Variants in BANK1 observed in about 807,000 individuals in gnomAD.
The protein encoded by BANK1 is B cell scaffold protein with ankyrin repeats 1.
In BANK1, 95 loss-of-function variants were observed where a neutral mutation model predicts 94.5. That is an observed-to-expected ratio of 1.00 (90% CI 0.85 to 1.19). BANK1 has a LOEUF of 1.19. BANK1 is among the 50% of genes most tolerant of loss of function. BANK1 has a pLI of 0.00. For missense variants in BANK1, 987 were observed against 932.2 expected (o/e 1.06, Z -0.77); for synonymous variants, 334 against 308.4 (o/e 1.08, Z -0.87).
intron 1 of BANK1, among the ~76,000 whole-genome samples, chr4:101,808,652 TC>T (rs1466541675): frequency 6.8e-6 from 1 of 147,780 alleles, no homozygotes; most frequent in Non-Finnish European, 1.5e-5. Flanking sequence ...GGAACTCAAA[TC>T]AGCAAGAAAA....
Position 101,829,857 on chromosome 4 carries a change from G to T in BANK1, c.120G>T (p.Trp40Cys). 1 of 1,596,642 alleles carries T rather than the reference G, an allele frequency of 6.3e-7. No homozygotes were observed. The highest frequency in any genetic ancestry group is 8.5e-7 in the Non-Finnish European group (1 of 1,172,240). Residue 40 changes from tryptophan to cysteine, a missense_variant, in exon 2 of 17, where the codon TGG becomes TGT. Coordinates refer to ENST00000322953, the MANE Select transcript of BANK1 (RefSeq NM_017935.5). ...TATATGAAGAAGATGCTGAGGAATGGGCTCTGTACTTGACAGAAGTATTTT... is the reference window on the plus strand; with the variant it reads ...TATATGAAGAAGATGCTGAGGAATGTGCTCTGTACTTGACAGAAGTATTTT... ...IMIYEEDAEE[W>C]ALYLTEVFLH... is the part of the protein sequence containing the mutation.
chr4:101,845,447 G>C (rs566060310), intron 2 of BANK1, among the ~76,000 whole-genome samples: 92 of 152,152 alleles, frequency 6.0e-4, no homozygotes, highest in African/African-American at 2.0e-3. Flanking sequence ...CAAAATTCAA[G>C]TACTACCTCT....
chr4:102,068,108 G>C (rs372980972), intron 13 of BANK1, among the ~76,000 whole-genome samples: 8 of 152,112 alleles, frequency 5.3e-5, no homozygotes, highest in African/African-American at 1.9e-4. Context: ...GAAATCATAA[G>C]AAAGTATTTC....
chr4:101,901,149 C>A (rs1249920143), intron 6 of BANK1, among the ~76,000 whole-genome samples: 2 of 152,188 alleles, frequency 1.3e-5, no homozygotes, highest in African/African-American at 4.8e-5. Context: ...ACTCCCAATT[C>A]TTTGTGCCAT....
At chr4:101,882,185 C>T (rs1728702048) in intron 5 of BANK1, among the ~76,000 whole-genome samples, 1 of 151,870 alleles carries the variant, frequency 6.6e-6, no homozygotes, top group Non-Finnish European at 1.5e-5. Flanking sequence ...TCATGTCCCC[C>T]ATAAATATAT....
chr4:101,986,816 TA>T (rs1725498979), intron 7 of BANK1, among the ~76,000 whole-genome samples: 1 of 137,436 alleles, frequency 7.3e-6, no homozygotes. Flanking sequence ...TATATGTATA[TA>T]TATGTGTATA....
chr4:101,833,250 A>G (rs1225266616), intron 2 of BANK1, among the ~76,000 whole-genome samples: 1 of 152,174 alleles, frequency 6.6e-6, no homozygotes, highest in Non-Finnish European at 1.5e-5. Flanking sequence ...AAGTGCGGGG[A>G]CTACAGGCGT....
intron 7 of BANK1, among the ~76,000 whole-genome samples, chr4:101,924,246 G>C (rs1723086285): frequency 2.0e-5 from 3 of 151,756 alleles, no homozygotes. Flanking sequence ...CCCAGTGTGT[G>C]AGACTGCTTA....
chr4:102,007,067 TTTA>T (rs1560681854), intron 7 of BANK1, among the ~76,000 whole-genome samples: 103 of 97,218 alleles, frequency 1.1e-3, no homozygotes, highest in African/African-American at 4.0e-3. Context: ...AATATATAAT[TTTA>T]TATATATATA....
Position 102,043,856 on chromosome 4 carries a change from G to T in BANK1, c.1918G>T (p.Ala640Ser). Reference protein sequence around the residue: ...YIAQVFQQKTARRQSDDDKFC... With the variant: ...YIAQVFQQKTSRRQSDDDKFC... ...TTTTACAGTGTTTCAACAAAAGACA[G>T]CCAGAAGACAATCTGATGATGACAA... Residue 640 changes from alanine to serine, a missense_variant, in exon 11 of 17, where the codon GCC (alanine) becomes TCC (serine). Transcript: ENST00000322953. The T allele has an allele frequency of 6.2e-7, 1 of 1,602,712 alleles. No homozygotes were observed. The highest frequency in any genetic ancestry group is 8.5e-7 in the Non-Finnish European group (1 of 1,171,222).
chr4:101,850,668 G>A (rs1300121362), intron 2 of BANK1, among the ~76,000 whole-genome samples: 2 of 152,054 alleles, frequency 1.3e-5, no homozygotes, highest in Non-Finnish European at 2.9e-5. Context: ...CAAGTCTATT[G>A]GCACCATTCT....
chr4:101,878,835 A>G (rs142919750), intron 5 of BANK1, among the ~76,000 whole-genome samples: 1 of 152,264 alleles, frequency 6.6e-6, no homozygotes, highest in Non-Finnish European at 1.5e-5. Flanking sequence ...AAATTAAACA[A>G]TATGCTTTTG....
chr4:101,824,505 G>A (rs567993261), intron 1 of BANK1, among the ~76,000 whole-genome samples: 8 of 152,264 alleles, frequency 5.3e-5, no homozygotes, highest in African/African-American at 1.9e-4. Flanking sequence ...AAAATCCCCA[G>A]TTTTGTTCTC....
At chr4:101,816,557 C>CTTTTTTTTTTTTT (rs34692783) in intron 1 of BANK1, among the ~76,000 whole-genome samples, 3 of 138,618 alleles carry the variant, frequency 2.2e-5, no homozygotes. Context: ...TGCCATGCTT[C>CTTTTTTTTTTTTT]TTTTTTTTTT....
At chr4:101,870,838 A>C (rs1049591042) in intron 5 of BANK1, among the ~76,000 whole-genome samples, 194 bp downstream of exon 5, 13 of 152,010 alleles carry the variant, frequency 8.6e-5, no homozygotes, top group African/African-American at 2.2e-4. Context: ...TCAAAAAAAA[A>C]CAGATAATGT....
At chr4:101,962,831 A>G (rs1393812710) in intron 7 of BANK1, among the ~76,000 whole-genome samples, 5 of 152,084 alleles carry the variant, frequency 3.3e-5, no homozygotes, top group Non-Finnish European at 5.9e-5. Context: ...TCTTGTTGGT[A>G]TATATTACAT....
chr4:101,830,777 G>A lies in BANK1; in HGVS notation c.469+571G>A, dbSNP rs142399258. Among the ~76,000 whole-genome samples the A allele has an allele frequency of 3.3e-3, 505 of 152,274 alleles. 3 individuals carry two copies. Among genetic ancestry groups the A allele is most frequent in the African/African-American group, 0.012 (479 of 41,566 alleles). On this transcript the variant is annotated intron_variant, in intron 2 of 16. Transcript: ENST00000322953. Reference sequence around the variant, plus strand: ...TTTTATTCTGCTAGGTGTGAAAGGGGTGCTGTGGTCAGCTGCTTCCCTGGT... The same window carrying A: ...TTTTATTCTGCTAGGTGTGAAAGGGATGCTGTGGTCAGCTGCTTCCCTGGT...
chr4:102,027,658 A>G (rs1727147607), intron 9 of BANK1, among the ~76,000 whole-genome samples: 1 of 128,566 alleles, frequency 7.8e-6, no homozygotes, highest in East Asian at 2.2e-4. Flanking sequence ...ATCTGCCATC[A>G]AGTTACTGAA....
intron 7 of BANK1, among the ~76,000 whole-genome samples, chr4:101,947,309 A>ATATATATATATATATATATATATT: frequency 1.5e-5 from 1 of 67,894 alleles, no homozygotes; most frequent in East Asian, 4.3e-4. Flanking sequence ...ATATATATAT[A>ATATATATATATATATATATATATT]TATGTATATG....
Sources: allele counts gnomAD v4.1 joint callset (sites outside exome capture counted in the v4.1 genomes callset), GRCh38; gene constraint gnomAD v4.1.1; transcripts MANE v1.5; gene names NCBI Gene and HGNC (gene_info 2026-07-23, HGNC 2026-07-21).